RHOU: variants seen among roughly 807,000 people sequenced by gnomAD.
The protein encoded by RHOU is ras homolog family member U.
A neutral mutation model predicts 12.6 loss-of-function variants in RHOU; 8 were observed. That is an observed-to-expected ratio of 0.64 (90% CI 0.37 to 1.15). The LOEUF (loss-of-function observed/expected upper bound fraction) is 1.15, where lower values mean the gene tolerates loss of function less well. RHOU is among the 50% of genes most tolerant of loss of function. RHOU has a pLI of 0.01. For missense variants in RHOU, 258 were observed against 347.0 expected, an observed-to-expected ratio of 0.74 and a Z score of 2.04; for synonymous variants, 161 against 147.4, an observed-to-expected ratio of 1.09 and a Z score of -0.67.
the RHOU span, among the ~76,000 whole-genome samples, chr1:228,681,745 G>C: frequency 1.3e-5 from 2 of 152,152 alleles, no homozygotes; most frequent in South Asian, 4.1e-4. Context: ...AAGAGGTGAA[G>C]AGGTTTTAAG....
the RHOU span, among the ~76,000 whole-genome samples, chr1:228,648,862 T>C: frequency 8.6e-4 from 58 of 67,732 alleles, 1 homozygote; most frequent in East Asian, 3.4e-3. Flanking sequence ...CTCTCTCTCT[T>C]TCTTTCTTTC....
upstream of RHOU, among the ~76,000 whole-genome samples, chr1:228,732,238 T>C (rs1662512707): frequency 6.6e-6 from 1 of 152,198 alleles, no homozygotes; most frequent in Non-Finnish European, 1.5e-5. Flanking sequence ...GATATAGGAA[T>C]GAGCAACATT....
chr1:228,661,417 T>A, the RHOU span, among the ~76,000 whole-genome samples: 1 of 152,212 alleles, frequency 6.6e-6, no homozygotes, highest in African/African-American at 2.4e-5. Flanking sequence ...TCACGCTACC[T>A]GACTTCAAAC....
the RHOU span, among the ~76,000 whole-genome samples, chr1:228,729,019 C>T: frequency 6.6e-6 from 1 of 151,932 alleles, no homozygotes; most frequent in East Asian, 1.9e-4. Flanking sequence ...CCTTAGTCTC[C>T]CAAGTAGCTG....
chr1:228,731,537 T>C (rs1662496278), upstream of RHOU, among the ~76,000 whole-genome samples: 1 of 152,102 alleles, frequency 6.6e-6, no homozygotes, highest in Non-Finnish European at 1.5e-5. Flanking sequence ...CCAAGTTTTG[T>C]CGGGCCTGAA....
the RHOU span, among the ~76,000 whole-genome samples, chr1:228,679,588 G>T: frequency 6.6e-6 from 1 of 152,074 alleles, no homozygotes. Context: ...GAACTAAAAT[G>T]TAAGGCTTGT....
the RHOU span, among the ~76,000 whole-genome samples, chr1:228,689,101 C>T: frequency 0.13 from 19,845 of 152,218 alleles, 1,682 homozygotes; most frequent in South Asian, 0.22. Context: ...CCCTCACTTC[C>T]GTCTCCCTCA....
chr1:228,660,110 C>T, the RHOU span, among the ~76,000 whole-genome samples: 29 of 152,098 alleles, frequency 1.9e-4, no homozygotes, highest in South Asian at 5.0e-3. Context: ...GCCTAGATCA[C>T]ACCACTGTGC....
the RHOU span, among the ~76,000 whole-genome samples, chr1:228,649,753 G>C: frequency 2.6e-5 from 4 of 152,070 alleles, no homozygotes; most frequent in African/African-American, 4.8e-5. Context: ...TTATAAAAGA[G>C]ACATATTAAA....
chr1:228,690,568 C>T, the RHOU span, among the ~76,000 whole-genome samples: 1 of 151,886 alleles, frequency 6.6e-6, no homozygotes, highest in African/African-American at 2.4e-5. Context: ...CTGATCCGCC[C>T]GCCTTGGCCT....
At chr1:228,656,550 G>A in the RHOU span, among the ~76,000 whole-genome samples, 2 of 152,080 alleles carry the variant, frequency 1.3e-5, no homozygotes, top group African/African-American at 4.8e-5. Context: ...TAACTGAAAG[G>A]GGGGATGGAG....
At chr1:228,650,575 G>C in the RHOU span, 1 of 455,812 alleles carries the variant, frequency 2.2e-6, no homozygotes, top group African/African-American at 2.0e-5. Flanking sequence ...CTCACTGCTC[G>C]CCTGCCTGCC....
chr1:228,742,721 C>T (rs761796153), intron 2 of RHOU, among the ~76,000 whole-genome samples: 3 of 152,208 alleles, frequency 2.0e-5, no homozygotes, highest in South Asian at 4.1e-4. Flanking sequence ...CATTACTCTG[C>T]GTTGCTGTGC....
the RHOU span, among the ~76,000 whole-genome samples, chr1:228,711,629 CT>C: frequency 6.6e-6 from 1 of 152,238 alleles, no homozygotes; most frequent in Non-Finnish European, 1.5e-5. Flanking sequence ...AAACTGGATC[CT>C]TTCCTTACAC....
chr1:228,660,371 T>C, the RHOU span, among the ~76,000 whole-genome samples: 1 of 150,880 alleles, frequency 6.6e-6, no homozygotes, highest in African/African-American at 2.5e-5. Flanking sequence ...AAAAAAAGCC[T>C]TGGACTTGAC....
the RHOU span, among the ~76,000 whole-genome samples, chr1:228,672,609 C>T: frequency 6.6e-6 from 1 of 152,156 alleles, no homozygotes; most frequent in African/African-American, 2.4e-5. Context: ...AGATGTATTC[C>T]CTCAAAGATG....
the RHOU span, among the ~76,000 whole-genome samples, chr1:228,695,886 G>A: frequency 6.6e-6 from 1 of 152,180 alleles, no homozygotes; most frequent in African/African-American, 2.4e-5. Flanking sequence ...GGGGGATGGC[G>A]CTGAGAGTAC....
chr1:228,720,699 T>C, the RHOU span, among the ~76,000 whole-genome samples: 1 of 152,206 alleles, frequency 6.6e-6, no homozygotes, highest in African/African-American at 2.4e-5. Context: ...TTCTGTGGTT[T>C]AAGAACCACC....
At chr1:228,725,527 C>T in the RHOU span, among the ~76,000 whole-genome samples, 8 of 152,304 alleles carry the variant, frequency 5.3e-5, no homozygotes, top group South Asian at 8.3e-4. Context: ...CAACAAGGGA[C>T]GCCATCCAAA....
Sources: gnomAD v4.1 joint callset for allele counts (sites outside exome capture counted in the v4.1 genomes callset) on GRCh38, gnomAD v4.1.1 for gene constraint, MANE v1.5 for transcripts, NCBI Gene and HGNC (gene_info 2026-07-23, HGNC 2026-07-21) for gene names.